The following UTRN variants were observed in gnomAD, a reference collection of about 807,000 sequenced individuals.
UTRN encodes dystrophin-related protein 1.
Under a neutral mutation model 463.9 loss-of-function variants are expected in UTRN, and 283 were observed. The observed-to-expected ratio is 0.61, with a 90% confidence interval of 0.55 to 0.67. The LOEUF (loss-of-function observed/expected upper bound fraction) is 0.67. Among genes scored for constraint, UTRN ranks in the 30% least tolerant of loss-of-function variants. The pLI, the probability that UTRN is intolerant of heterozygous loss-of-function variation, is 0.00. For missense variants in UTRN, 3,922 were observed against 4,084.3 expected, an observed-to-expected ratio of 0.96 and a Z score of 1.08; for synonymous variants, 1,442 against 1,431.5, an observed-to-expected ratio of 1.01 and a Z score of -0.17.
At chr6:144,431,784 A>AT (rs1266690531) in intron 9 of UTRN, among the ~76,000 whole-genome samples, 2 of 151,888 alleles carry the variant, frequency 1.3e-5, no homozygotes, top group African/African-American at 4.8e-5. Context: ...CAGTTTTAGG[A>AT]TTTTTTGTCC....
At chr6:144,367,249 T>G (rs896349502) in intron 2 of UTRN, among the ~76,000 whole-genome samples, 3 of 151,914 alleles carry the variant, frequency 2.0e-5, no homozygotes, top group African/African-American at 7.3e-5. Context: ...CCTCCCAAAG[T>G]GCTGGGATTA....
chr6:144,457,026 G>A lies in UTRN; in HGVS notation c.2285-1744G>A, dbSNP rs182018316. ...AATAAAGTGATCTTCTGTTGATTTT[G>A]CCTTTTGACTAGTCACCTTCTAAGA... On this transcript the variant is annotated intron_variant, in intron 19 of 74. Coordinates refer to ENST00000367545, the MANE Select transcript of UTRN (RefSeq NM_007124.3). Among the ~76,000 whole-genome samples the A allele has an allele frequency of 1.0e-3, 156 of 152,202 alleles. 2 individuals carry two copies. The highest frequency in any genetic ancestry group is 1.8e-3 in the Non-Finnish European group (124 of 67,980).
intron 53 of UTRN, among the ~76,000 whole-genome samples, chr6:144,716,804 T>C (rs1479771376): frequency 6.6e-6 from 1 of 152,220 alleles, no homozygotes; most frequent in African/African-American, 2.4e-5. Flanking sequence ...TCATGCCTAT[T>C]TCTTCACATT....
chr6:144,674,418 T>C (rs879539946), intron 51 of UTRN, among the ~76,000 whole-genome samples: 2 of 151,988 alleles, frequency 1.3e-5, no homozygotes, highest in Non-Finnish European at 2.9e-5. Context: ...TTTTTTTTTC[T>C]ACTTGCTCAA....
At chr6:144,447,560 T>G in intron 15 of UTRN, 42 bp from the exon 16 acceptor site, 1 of 1,601,358 alleles carries the variant, frequency 6.2e-7, no homozygotes, top group Non-Finnish European at 8.5e-7. Flanking sequence ...AAAGACAAAG[T>G]CCTGTTAAAA....
Position 144,577,227 on chromosome 6 carries a change from C to T in UTRN, c.7418C>T (p.Ser2473Phe), listed in dbSNP as rs1331422963. The change falls in exon 51 of 75, where the codon TCT (serine) becomes TTT (phenylalanine). Residue 2473 changes from serine (S) to phenylalanine (F), a missense_variant. Ser to Phe is a radical substitution (Grantham distance 155). Around this residue, in one of 3 missense-constraint regions of UTRN, gnomAD observed 1,309 missense variants for 1,452.6 expected, o/e 0.90. Coordinates refer to ENST00000367545, the MANE Select transcript of UTRN (RefSeq NM_007124.3). The part of the protein sequence containing the change: ...ETTVNVLVDA[S>F]HRENALQDSI... ...ACAGTGAATGTGCTTGTGGATGCCTCTCATCGGGAGAATGCTCTTCAGGAT... is the reference window on the plus strand; with the variant it reads ...ACAGTGAATGTGCTTGTGGATGCCTTTCATCGGGAGAATGCTCTTCAGGAT... 4 of 1,613,822 alleles carry T rather than the reference C, an allele frequency of 2.5e-6. No individual in the cohort carries two copies. The Admixed American group carries it at 6.7e-5, about 27-fold the overall frequency.
chr6:144,458,888 T>A lies in UTRN; in HGVS notation c.2403T>A (p.Asn801Lys). The change falls in exon 20 of 75, where the codon AAT becomes AAA. Residue 801 changes from asparagine to lysine, a missense_variant. Asn to Lys is a moderately conservative substitution (Grantham distance 94). This residue lies in a region of UTRN where 2,349 missense variants were observed against 2,303.8 expected (regional missense o/e 1.02). Coordinates refer to ENST00000367545, the MANE Select transcript of UTRN (RefSeq NM_007124.3). The stretch of plus-strand genomic sequence containing the variant: ...AGATTCAGCTACAGGAAGATATAAA[T>A]GCTTATTTCAAGCAGCTTGATGAGC... ...ERKIQLQEDI[N>K]AYFKQLDELE... The A allele has an allele frequency of 6.2e-7, 1 of 1,613,994 alleles. No homozygotes were observed. Among genetic ancestry groups the A allele is most frequent in the Non-Finnish European group, 8.5e-7 (1 of 1,179,990 alleles).
rs1213428690 is a variant in UTRN, at chr6:144,511,031, A to G, written c.4852A>G (p.Ser1618Gly). Residue 1618 changes from serine (S) to glycine (G), a missense_variant, in exon 35 of 75, where the codon AGT becomes GGT. Ser to Gly is a moderately conservative substitution (Grantham distance 56). Transcript: ENST00000367545. ...TGCCCTGCAAAACTTGATTGAGGGC[A>G]GTGAGCCTATTTTAGAAGAGAGGCT... Reference protein sequence around the residue: ...SAALQNLIEGSEPILEERLCV... With the variant: ...SAALQNLIEGGEPILEERLCV... 1 of 1,613,540 alleles carries G rather than the reference A, an allele frequency of 6.2e-7. No homozygotes were observed. Among genetic ancestry groups the G allele is most frequent in the East Asian group, 2.2e-5 (1 of 44,848 alleles).
At chr6:144,600,186 T>C (rs904136873) in intron 51 of UTRN, among the ~76,000 whole-genome samples, 1 of 152,218 alleles carries the variant, frequency 6.6e-6, no homozygotes, top group South Asian at 2.1e-4. Context: ...ATATTGAAAT[T>C]AGACCAGTTA....
intron 2 of UTRN, among the ~76,000 whole-genome samples, chr6:144,395,767 T>A (rs916462965): frequency 4.6e-5 from 7 of 152,164 alleles, no homozygotes; most frequent in Non-Finnish European, 7.4e-5. Flanking sequence ...TTGAACTCAT[T>A]CAGAAAGTCT....
chr6:144,628,770 C>T (rs904684603), intron 51 of UTRN, among the ~76,000 whole-genome samples: 1 of 152,082 alleles, frequency 6.6e-6, no homozygotes, highest in African/African-American at 2.4e-5. Flanking sequence ...CCTCAGGGGG[C>T]TCCCTGAGGC....
At chr6:144,634,893 C>G (rs1172733932) in intron 51 of UTRN, among the ~76,000 whole-genome samples, 1 of 152,126 alleles carries the variant, frequency 6.6e-6, no homozygotes, top group Non-Finnish European at 1.5e-5. Context: ...TGTGGATAGG[C>G]TACATTTTGT....
In UTRN at chr6:144,697,754, G is replaced by C. The variant is rs141498065; in HGVS notation, c.7653-2333G>C. Among the ~76,000 whole-genome samples, 204 of 152,232 alleles carry C rather than the reference G, an allele frequency of 1.3e-3. 2 individuals carry two copies. The highest frequency in any genetic ancestry group is 4.0e-3 in the Admixed American group (61 of 15,286). On this transcript the variant is annotated intron_variant, in intron 52 of 74. Coordinates refer to ENST00000367545, the MANE Select transcript of UTRN (RefSeq NM_007124.3). Reference sequence around the variant, plus strand: ...ATTGTCTTCATCCTCATAATTAATAGATAGTTTTTCAGATTCTAAATACTG... The same window carrying C: ...ATTGTCTTCATCCTCATAATTAATACATAGTTTTTCAGATTCTAAATACTG...
chr6:144,497,068 T>C (rs1793719486), intron 33 of UTRN, among the ~76,000 whole-genome samples: 1 of 152,210 alleles, frequency 6.6e-6, no homozygotes, highest in South Asian at 2.1e-4. Flanking sequence ...AAGCAGTTAC[T>C]GCACAGGTTT....
intron 51 of UTRN, among the ~76,000 whole-genome samples, chr6:144,584,218 A>G (rs1176449869): frequency 6.6e-6 from 1 of 152,172 alleles, no homozygotes; most frequent in Non-Finnish European, 1.5e-5. Context: ...GCAAATTTCT[A>G]ATACTACGTC....
intron 34 of UTRN, among the ~76,000 whole-genome samples, chr6:144,502,142 T>G (rs1393909779): frequency 1.3e-5 from 2 of 152,060 alleles, no homozygotes; most frequent in African/African-American, 4.8e-5. Context: ...CTTCTGAATA[T>G]TTTTTAATGA....
chr6:144,718,283 A>C (rs1392021704), intron 53 of UTRN, among the ~76,000 whole-genome samples: 1 of 152,140 alleles, frequency 6.6e-6, no homozygotes, highest in Non-Finnish European at 1.5e-5. Context: ...TGGCCTGGTC[A>C]ACATAGCAAG....
At chr6:144,439,685 T>C (rs1380854211) in intron 12 of UTRN, among the ~76,000 whole-genome samples, 2 of 152,134 alleles carry the variant, frequency 1.3e-5, no homozygotes, top group Admixed American at 1.3e-4. Context: ...GTATTTTTAG[T>C]AAAGTCAGGG....
At chr6:144,492,831 T>C (rs1389717207) in intron 32 of UTRN, among the ~76,000 whole-genome samples, 4 of 152,222 alleles carry the variant, frequency 2.6e-5, no homozygotes, top group African/African-American at 4.8e-5. Flanking sequence ...AAATTATATA[T>C]GTTCATTGTG....
Sources: allele counts gnomAD v4.1 joint callset (sites outside exome capture counted in the v4.1 genomes callset), GRCh38; gene constraint gnomAD v4.1.1; regional missense constraint gnomAD v4.1.1; transcripts MANE v1.5; gene names NCBI Gene and HGNC (gene_info 2026-07-23, HGNC 2026-07-21).